CNBD1: variants seen among roughly 807,000 people sequenced by gnomAD.
CNBD1 encodes the protein cyclic nucleotide binding domain containing 1, also known as cyclic nucleotide-binding domain-containing protein 1.
A neutral mutation model predicts 54.4 loss-of-function variants in CNBD1; 71 were observed. The ratio of observed to expected loss-of-function variants is 1.30; its 90% CI spans 1.08 to 1.59. The LOEUF (loss-of-function observed/expected upper bound fraction) is 1.59. Among genes scored for constraint, CNBD1 ranks in the 40% most tolerant of loss-of-function variants. The pLI, the probability that CNBD1 is intolerant of heterozygous loss-of-function variation, is 0.00. For missense variants in CNBD1, 659 were observed against 518.0 expected, an observed-to-expected ratio of 1.27 and a Z score of -2.64; for synonymous variants, 182 against 170.7, an observed-to-expected ratio of 1.07 and a Z score of -0.51.
chr8:87,074,100 CAAAA>C (rs34907275), intron 4 of CNBD1, among the ~76,000 whole-genome samples: 1 of 107,020 alleles, frequency 9.3e-6, no homozygotes, highest in Admixed American at 9.6e-5. Flanking sequence ...GACTCCATCT[CAAAA>C]AAAAAAAAAA....
At chr8:87,167,195 A>C (rs1812980430) in intron 4 of CNBD1, among the ~76,000 whole-genome samples, 1 of 151,958 alleles carries the variant, frequency 6.6e-6, no homozygotes, top group Non-Finnish European at 1.5e-5. Flanking sequence ...TACTTAAATA[A>C]TTGAGGTTAT....
At chr8:87,243,046 C>G (rs902608397) in intron 6 of CNBD1, among the ~76,000 whole-genome samples, 1 of 152,080 alleles carries the variant, frequency 6.6e-6, no homozygotes, top group Non-Finnish European at 1.5e-5. Flanking sequence ...ATCACTAAAC[C>G]ATCAAATCCT....
chr8:87,230,286 C>G (rs999535465), intron 5 of CNBD1, among the ~76,000 whole-genome samples: 2 of 152,106 alleles, frequency 1.3e-5, no homozygotes, highest in Non-Finnish European at 2.9e-5. Context: ...GATTACAATT[C>G]GACAGGAGAT....
chr8:86,964,177 G>A (rs1300075386), intron 4 of CNBD1, among the ~76,000 whole-genome samples: 1 of 252 alleles, frequency 4.0e-3, no homozygotes, highest in East Asian at 0.17. Context: ...GATTTCTGAG[G>A]AAGGCAGTGG....
intron 3 of CNBD1, among the ~76,000 whole-genome samples, chr8:86,915,658 A>G (rs373727365): frequency 1.4e-4 from 21 of 152,326 alleles, no homozygotes; most frequent in East Asian, 7.7e-4. Context: ...TCATAATGAT[A>G]TATTCATATA....
chr8:86,960,440 G>C (rs1024073741), intron 4 of CNBD1, among the ~76,000 whole-genome samples: 1 of 152,162 alleles, frequency 6.6e-6, no homozygotes, highest in Admixed American at 6.5e-5. Flanking sequence ...TGGGGGAGGG[G>C]CGTCCACTGT....
intron 8 of CNBD1, among the ~76,000 whole-genome samples, chr8:87,313,728 C>T (rs531601236): frequency 6.6e-6 from 1 of 151,572 alleles, no homozygotes; most frequent in Admixed American, 6.6e-5. Flanking sequence ...AATATGCAGC[C>T]TTTTACAATT....
intron 2 of CNBD1, among the ~76,000 whole-genome samples, chr8:87,421,578 A>T (rs896531952): frequency 1.3e-5 from 2 of 151,970 alleles, no homozygotes; most frequent in African/African-American, 4.8e-5. Context: ...TTCCGATTTC[A>T]TCCATGTCCC....
intron 4 of CNBD1, among the ~76,000 whole-genome samples, chr8:87,047,030 G>A (rs1389940903): frequency 6.6e-6 from 1 of 152,018 alleles, no homozygotes; most frequent in Non-Finnish European, 1.5e-5. Flanking sequence ...GGCGTGGATG[G>A]GTTTTTTAAG....
Position 87,414,439 on chromosome 8 carries a change from G to A in CNBD1, c.214-14107G>A, listed in dbSNP as rs191908113. Reference sequence around the variant, plus strand: ...CTAATGCTAAATGACAAGTTAATGGGTGCAGCACACCAACATGGCACATGT... The same window carrying A: ...CTAATGCTAAATGACAAGTTAATGGATGCAGCACACCAACATGGCACATGT... On this transcript the variant is annotated intron_variant, in intron 2 of 7. Transcript: ENST00000521593. Among the ~76,000 whole-genome samples, 10 of 152,090 alleles carry A rather than the reference G, an allele frequency of 6.6e-5. 1 individual carries two copies. The highest frequency in any genetic ancestry group is 3.4e-3 in the Middle Eastern group (1 of 294).
chr8:87,026,601 A>T (rs113474534), intron 4 of CNBD1, among the ~76,000 whole-genome samples: 4,612 of 152,258 alleles, frequency 0.03, 238 homozygotes, highest in African/African-American at 0.1. Context: ...GTCATTTTAT[A>T]TTAGAACAAA....
chr8:86,877,898 A>T (rs1267852947), intron 1 of CNBD1, among the ~76,000 whole-genome samples: 1 of 151,874 alleles, frequency 6.6e-6, no homozygotes, highest in African/African-American at 2.4e-5. Flanking sequence ...TGAATGTGTT[A>T]GCCTCTGTGT....
intron 5 of CNBD1, among the ~76,000 whole-genome samples, chr8:87,230,599 G>A (rs1260442219): frequency 6.6e-6 from 1 of 152,008 alleles, no homozygotes; most frequent in Non-Finnish European, 1.5e-5. Context: ...CTGAGCCTTG[G>A]TTTCTTCATC....
intron 4 of CNBD1, among the ~76,000 whole-genome samples, chr8:87,135,058 GA>G (rs1403355872): frequency 6.6e-6 from 1 of 152,000 alleles, no homozygotes; most frequent in African/African-American, 2.4e-5. Context: ...AATGTATTTT[GA>G]TGTTTATTCC....
chr8:87,412,207 T>A (rs1464820547), intron 2 of CNBD1, among the ~76,000 whole-genome samples: 1 of 152,130 alleles, frequency 6.6e-6, no homozygotes, highest in African/African-American at 2.4e-5. Context: ...GCTAATCATT[T>A]ATGTATGTAA....
At chr8:87,194,668 C>T (rs1813677812) in intron 4 of CNBD1, among the ~76,000 whole-genome samples, 1 of 152,076 alleles carries the variant, frequency 6.6e-6, no homozygotes, top group Non-Finnish European at 1.5e-5. Flanking sequence ...ATATGTGTAT[C>T]TTTCTACATA....
intron 2 of CNBD1, among the ~76,000 whole-genome samples, chr8:87,395,337 C>T (rs1262780829): frequency 2.0e-5 from 3 of 151,738 alleles, no homozygotes; most frequent in Admixed American, 6.6e-5. Flanking sequence ...GTTCTTGCTG[C>T]TACTCTGGAT....
At chr8:87,301,865 T>G (rs1230552183) in intron 8 of CNBD1, among the ~76,000 whole-genome samples, 1 of 152,030 alleles carries the variant, frequency 6.6e-6, no homozygotes, top group Non-Finnish European at 1.5e-5. Context: ...AACACCTCTA[T>G]GCAAATAAAC....
At chr8:87,126,232 C>G (rs1308521382) in intron 4 of CNBD1, among the ~76,000 whole-genome samples, 1 of 151,922 alleles carries the variant, frequency 6.6e-6, no homozygotes, top group Non-Finnish European at 1.5e-5. Flanking sequence ...GTATGTTTAA[C>G]TATTTAAGAA....
Sources: allele counts gnomAD v4.1 joint callset (sites outside exome capture counted in the v4.1 genomes callset), GRCh38; gene constraint gnomAD v4.1.1; transcripts MANE v1.5; gene names NCBI Gene and HGNC (gene_info 2026-07-23, HGNC 2026-07-21).